OR1J2: variants seen among roughly 807,000 people sequenced by gnomAD.
OR1J2 encodes olfactory receptor 1J2.
For synonymous variants in OR1J2, 142 were observed against 99.7 expected, an observed-to-expected ratio of 1.42 and a Z score of -2.52; for missense variants, 304 against 246.1, an observed-to-expected ratio of 1.24 and a Z score of -1.57.
At chr9:122,475,472 A>G in the OR1J2 span, among the ~76,000 whole-genome samples, 5 of 152,328 alleles carry the variant, frequency 3.3e-5, no homozygotes, top group Admixed American at 3.3e-4. Context: ...GATAAGGAGA[A>G]AAACAACCCT....
At chr9:122,448,599 TGGCTTTCCTGGGCAGAGGTCCCTGC>T in the OR1J2 span, among the ~76,000 whole-genome samples, 1 of 152,176 alleles carries the variant, frequency 6.6e-6, no homozygotes, top group Non-Finnish European at 1.5e-5. Context: ...GGACAATACC[TGGCTTTCCTGGGCAGAGGTCCCTGC>T]GGCTTTCTGC....
At chr9:122,550,331 C>T in the OR1J2 span, among the ~76,000 whole-genome samples, 3 of 142,028 alleles carry the variant, frequency 2.1e-5, no homozygotes, top group Non-Finnish European at 4.6e-5. Flanking sequence ...ATACAAAGAA[C>T]TGGTACCAGT....
At chr9:122,517,222 A>G in the OR1J2 span, among the ~76,000 whole-genome samples, 21,753 of 152,112 alleles carry the variant, frequency 0.14, 1,785 homozygotes, top group East Asian at 0.26. Context: ...GCTAATTGCA[A>G]TGCTTTTGTC....
At chr9:122,536,750 A>G in the OR1J2 span, among the ~76,000 whole-genome samples, 3 of 152,150 alleles carry the variant, frequency 2.0e-5, no homozygotes, top group Non-Finnish European at 4.4e-5. Flanking sequence ...GAAAGATTAG[A>G]TAGGTTCCAG....
chr9:122,573,877 A>G, the OR1J2 span, among the ~76,000 whole-genome samples: 5 of 152,140 alleles, frequency 3.3e-5, no homozygotes, highest in African/African-American at 1.2e-4. Flanking sequence ...ACAGTTTTGC[A>G]TCTTATATTT....
At chr9:122,578,355 A>AG in the OR1J2 span, 1 of 151,814 alleles carries the variant, frequency 6.6e-6, no homozygotes, top group African/African-American at 2.4e-5. Context: ...AGGCTGAGGC[A>AG]GGAGAATAGC....
chr9:122,541,278 TA>T, the OR1J2 span, among the ~76,000 whole-genome samples: 1 of 152,042 alleles, frequency 6.6e-6, no homozygotes, highest in Non-Finnish European at 1.5e-5. Context: ...TGGCAGTAGA[TA>T]AAATAGAGGA....
the OR1J2 span, among the ~76,000 whole-genome samples, chr9:122,549,506 A>G: frequency 6.6e-6 from 1 of 152,180 alleles, no homozygotes; most frequent in East Asian, 1.9e-4. Flanking sequence ...TCTTACAGTT[A>G]AGTCTTTAAT....
At chr9:122,465,690 A>G in the OR1J2 span, among the ~76,000 whole-genome samples, 2 of 152,342 alleles carry the variant, frequency 1.3e-5, no homozygotes, top group Admixed American at 6.5e-5. Flanking sequence ...TTGCCTCCTT[A>G]TGAGATACCA....
chr9:122,488,999 C>G, the OR1J2 span, among the ~76,000 whole-genome samples: 1 of 150,410 alleles, frequency 6.6e-6, no homozygotes, highest in African/African-American at 2.4e-5. Context: ...GCTATCCCTC[C>G]CCTAACCCCC....
At chr9:122,557,035 T>G in the OR1J2 span, among the ~76,000 whole-genome samples, 1 of 152,176 alleles carries the variant, frequency 6.6e-6, no homozygotes, top group African/African-American at 2.4e-5. Context: ...AAATTCCATT[T>G]GTTCATTGCT....
the OR1J2 span, among the ~76,000 whole-genome samples, chr9:122,535,136 G>T: frequency 1.3e-5 from 2 of 151,898 alleles, no homozygotes; most frequent in Non-Finnish European, 2.9e-5. Context: ...GAGAAGGGAT[G>T]GGGGGTTCTT....
the OR1J2 span, chr9:122,519,818 C>T: frequency 6.2e-7 from 1 of 1,614,152 alleles, no homozygotes; most frequent in Non-Finnish European, 8.5e-7. Context: ...TCACCATCCT[C>T]AAGGCTCCAT....
At chr9:122,492,874 G>T in the OR1J2 span, among the ~76,000 whole-genome samples, 10 of 152,194 alleles carry the variant, frequency 6.6e-5, no homozygotes, top group African/African-American at 2.4e-4. Context: ...TTACCTTAAA[G>T]TATGTCCCTT....
At chr9:122,481,456 C>T in the OR1J2 span, among the ~76,000 whole-genome samples, 8 of 151,398 alleles carry the variant, frequency 5.3e-5, no homozygotes, top group Non-Finnish European at 1.0e-4. Context: ...ACTAGTATTC[C>T]GGACACATAG....
At chr9:122,467,050 C>T in the OR1J2 span, among the ~76,000 whole-genome samples, 5 of 152,120 alleles carry the variant, frequency 3.3e-5, no homozygotes, top group Admixed American at 2.0e-4. Context: ...TGGTCTCGAA[C>T]TCCAGACCTC....
At chr9:122,511,859 A>G, downstream of OR1J2, 2 of 648,854 alleles carry the variant, frequency 3.1e-6, no homozygotes, top group Admixed American at 5.1e-5. Context: ...AAATGTTAAC[A>G]TGTTGAATGT....
downstream of OR1J2, among the ~76,000 whole-genome samples, chr9:122,516,505 G>A (rs1027085929): frequency 1.3e-5 from 2 of 151,688 alleles, no homozygotes; most frequent in South Asian, 2.1e-4. Context: ...GGGTTTCACC[G>A]TTTTAGCCGG....
the OR1J2 span, chr9:122,553,055 A>G: frequency 1.3e-6 from 1 of 747,292 alleles, no homozygotes; most frequent in Non-Finnish European, 2.3e-6. Flanking sequence ...TCCCAGTGAG[A>G]TTCAGAGATT....
Sources: gnomAD v4.1 joint callset for allele counts (sites outside exome capture counted in the v4.1 genomes callset) on GRCh38, gnomAD v4.1.1 for gene constraint, MANE v1.5 for transcripts, NCBI Gene and HGNC (gene_info 2026-07-23, HGNC 2026-07-21) for gene names.